The following SUSD5 variants were observed in gnomAD, a reference collection of about 807,000 sequenced individuals.
The protein encoded by SUSD5 is sushi domain-containing protein 5.
In SUSD5, 33 loss-of-function variants were observed where a neutral mutation model predicts 29.5. That is an observed-to-expected ratio of 1.12 (90% CI 0.85 to 1.49). SUSD5 has a LOEUF of 1.49. Among genes scored for constraint, SUSD5 ranks in the 40% most tolerant of loss-of-function variants. SUSD5 has a pLI of 0.00. For synonymous variants in SUSD5, 308 were observed against 325.3 expected, an observed-to-expected ratio of 0.95 and a Z score of 0.57; for missense variants, 776 against 800.6, an observed-to-expected ratio of 0.97 and a Z score of 0.37.
intron 4 of SUSD5, among the ~76,000 whole-genome samples, chr3:33,171,098 T>C (rs1378753320): frequency 1.3e-5 from 2 of 152,218 alleles, no homozygotes; most frequent in African/African-American, 2.4e-5. Flanking sequence ...TCCCAGCACT[T>C]TGGGAGGCCG....
chr3:33,192,504 A>G (rs1159620514), intron 3 of SUSD5, among the ~76,000 whole-genome samples: 1 of 151,988 alleles, frequency 6.6e-6, no homozygotes, highest in East Asian at 1.9e-4. Context: ...TCTATAAGAT[A>G]TCTACATATA....
chr3:33,201,446 A>C (rs139816258), intron 3 of SUSD5, among the ~76,000 whole-genome samples: 1 of 152,336 alleles, frequency 6.6e-6, no homozygotes, highest in Non-Finnish European at 1.5e-5. Flanking sequence ...CAGGCCACAA[A>C]GACATCCCAG....
Position 33,174,992 on chromosome 3 carries a change from C to T in SUSD5, c.492G>A (p.Leu164=), listed in dbSNP as rs758703725. ...RTGLEMGDEL[L]YVCAPGHIMG... ...TGATGTGGCCTGGGGCACACACGTA[C>T]AGCAGTTCATCCCCCATTTCCAAGC... Residue 164 remains leucine (L), a synonymous_variant, in exon 4 of 5, where the codon CTG becomes CTA. Transcript: ENST00000309558. 1.2e-6 allele frequency: 2 copies of T among 1,614,050 alleles called. No individual in the cohort carries two copies. Among genetic ancestry groups the T allele is most frequent in the Non-Finnish European group, 1.7e-6 (2 of 1,179,900 alleles).
At position 33,174,919 on chromosome 3, in the gene SUSD5, C is replaced by T. The variant is rs776766340; in HGVS notation, c.565G>A (p.Glu189Lys). 2 of 1,613,924 alleles carry T rather than the reference C, an allele frequency of 1.2e-6. No individual in the cohort carries two copies. Among genetic ancestry groups the T allele is most frequent in the South Asian group, 2.2e-5 (2 of 91,082 alleles). Reference sequence around the variant, plus strand: ...CAGGCCTGCACCAGGCCGTACCACTCCCCACAGCTGTTACATAGCAAGGTG... The same window carrying T: ...CAGGCCTGCACCAGGCCGTACCACTTCCCACAGCTGTTACATAGCAAGGTG... Reference protein sequence around the residue: ...AFTLLCNSCGEWYGLVQACGK... With the variant: ...AFTLLCNSCGKWYGLVQACGK... The change falls in exon 4 of 5, where the codon GAG becomes AAG. Residue 189 changes from glutamate (E) to lysine (K), a missense_variant. By Grantham distance (56) the Glu-to-Lys change is moderately conservative. Transcript: ENST00000309558.
intron 3 of SUSD5, among the ~76,000 whole-genome samples, chr3:33,180,405 C>G (rs1226997219): frequency 6.6e-6 from 1 of 152,108 alleles, no homozygotes; most frequent in Non-Finnish European, 1.5e-5. Flanking sequence ...CTGTCACTCA[C>G]GTTGGAGTGC....
chr3:33,178,083 T>C (rs2125621876), intron 3 of SUSD5, among the ~76,000 whole-genome samples: 1 of 152,354 alleles, frequency 6.6e-6, no homozygotes, highest in South Asian at 2.1e-4. Flanking sequence ...CTACCCTTAA[T>C]CATGATGTTA....
chr3:33,151,468 T>G lies in SUSD5; in HGVS notation c.*1274A>C, dbSNP rs1201459892. On this transcript the variant is annotated 3_prime_UTR_variant, in exon 5 of 5. Coordinates refer to ENST00000309558, the MANE Select transcript of SUSD5 (RefSeq NM_015551.2). ...CAGATCAGCACAGATCATTTCATAT[T>G]CTTTCACAGATTCTTCTGCTTCTCC... The G allele has an allele frequency of 6.6e-6, 1 of 152,222 alleles. No homozygotes were observed. Among genetic ancestry groups the G allele is most frequent in the Non-Finnish European group, 1.5e-5 (1 of 68,036 alleles). 9.4% of individuals were successfully genotyped at this position (152,222 alleles called of 1,614,324 possible).
intron 4 of SUSD5, among the ~76,000 whole-genome samples, chr3:33,165,431 C>T (rs1048982951): frequency 2.6e-5 from 4 of 151,996 alleles, no homozygotes; most frequent in South Asian, 2.1e-4. Flanking sequence ...ACCTGGGTGC[C>T]GATTACATGG....
Position 33,150,345 on chromosome 3 carries a change from G to A in SUSD5, c.*2397C>T. On this transcript the variant is annotated 3_prime_UTR_variant, in exon 5 of 5. Transcript: ENST00000309558. Reference sequence around the variant, plus strand: ...TTTGTAATAAATTTATTAATACACTGTATTAATAATTTGTAATAAATTTAT... The same window carrying A: ...TTTGTAATAAATTTATTAATACACTATATTAATAATTTGTAATAAATTTAT... 1.3e-5 allele frequency: 2 copies of A among 151,948 alleles called. No individual in the cohort carries two copies. Among genetic ancestry groups the A allele is most frequent in the East Asian group, 3.9e-4 (2 of 5,176 alleles). The allele number at this position is 151,948 out of a possible 1,614,324, so 9.4% of individuals were successfully genotyped here.
intron 4 of SUSD5, among the ~76,000 whole-genome samples, chr3:33,170,243 G>A (rs13068113): frequency 0.087 from 13,310 of 152,152 alleles, 724 homozygotes; most frequent in East Asian, 0.19. Context: ...CTGTAATTAG[G>A]GCAACAACCA....
At chr3:33,193,869 T>G (rs1405207974) in intron 3 of SUSD5, among the ~76,000 whole-genome samples, 2 of 152,076 alleles carry the variant, frequency 1.3e-5, no homozygotes, top group Non-Finnish European at 2.9e-5. Flanking sequence ...TAATAGCCCC[T>G]CCCTGAAACA....
chr3:33,192,004 A>G (rs1009813292), intron 3 of SUSD5, among the ~76,000 whole-genome samples: 1 of 152,158 alleles, frequency 6.6e-6, no homozygotes, highest in Non-Finnish European at 1.5e-5. Context: ...CCTTCAGAAC[A>G]CTGAGTGCTA....
chr3:33,199,441 C>T (rs142525784), intron 3 of SUSD5, among the ~76,000 whole-genome samples: 7,313 of 152,056 alleles, frequency 0.048, 509 homozygotes, highest in African/African-American at 0.16. Context: ...GCCCGGCTAA[C>T]TTTTTGTATT....
intron 2 of SUSD5, among the ~76,000 whole-genome samples, chr3:33,208,578 C>T (rs1365669861): frequency 2.0e-5 from 3 of 151,898 alleles, no homozygotes; most frequent in Non-Finnish European, 4.4e-5. Context: ...TTCTCTCTTC[C>T]TTTCCTCTTC....
chr3:33,180,254 A>G (rs1053254299), intron 3 of SUSD5, among the ~76,000 whole-genome samples: 1 of 152,212 alleles, frequency 6.6e-6, no homozygotes, highest in Admixed American at 6.5e-5. Flanking sequence ...TTCTACTGGG[A>G]CAAGACGTGA....
At chr3:33,169,893 T>C (rs1211053265) in intron 4 of SUSD5, among the ~76,000 whole-genome samples, 1 of 151,874 alleles carries the variant, frequency 6.6e-6, no homozygotes. Context: ...TGGCGGCAGA[T>C]AGCCCTGTGG....
chr3:33,208,771 T>C (rs1432921048), intron 2 of SUSD5, among the ~76,000 whole-genome samples: 3 of 152,216 alleles, frequency 2.0e-5, no homozygotes, highest in Non-Finnish European at 2.9e-5. Flanking sequence ...TCTTCCCTAA[T>C]AATACAACTT....
intron 3 of SUSD5, among the ~76,000 whole-genome samples, chr3:33,206,898 T>C (rs1277232123): frequency 6.6e-6 from 1 of 152,168 alleles, no homozygotes; most frequent in East Asian, 1.9e-4. Context: ...GCATCAGTAT[T>C]TTTTAATTAC....
chr3:33,188,004 T>A (rs1400927138), intron 3 of SUSD5, among the ~76,000 whole-genome samples: 1 of 152,150 alleles, frequency 6.6e-6, no homozygotes, highest in Admixed American at 6.5e-5. Context: ...CATTTCAACA[T>A]CAAGAGATAT....
Sources: gnomAD v4.1 joint callset for allele counts (sites outside exome capture counted in the v4.1 genomes callset) on GRCh38, gnomAD v4.1.1 for gene constraint, MANE v1.5 for transcripts, NCBI Gene and HGNC (gene_info 2026-07-23, HGNC 2026-07-21) for gene names.